PALLD: variants seen among roughly 807,000 people sequenced by gnomAD.
PALLD encodes palladin, cytoskeletal associated protein, also known as palladin.
A neutral mutation model predicts 123.5 loss-of-function variants in PALLD; 61 were observed. The ratio of observed to expected loss-of-function variants is 0.49; its 90% confidence interval spans 0.40 to 0.61. The LOEUF is 0.61. Among genes scored for constraint, PALLD ranks in the 20% least tolerant of loss-of-function variants. The pLI is 0.00. For missense variants in PALLD, 1,273 were observed against 1,377.0 expected (o/e 0.92, Z 1.20); for synonymous variants, 465 against 496.4 (o/e 0.94, Z 0.84).
intron 10 of PALLD, among the ~76,000 whole-genome samples, chr4:168,731,148 T>C (rs1284770351): frequency 6.6e-6 from 1 of 152,202 alleles, no homozygotes; most frequent in Non-Finnish European, 1.5e-5. Flanking sequence ...TGTAGGCACT[T>C]GGGTTTTCCT....
chr4:168,584,905 C>T lies in PALLD; in HGVS notation c.908+72493C>T, dbSNP rs77559031. ...GCAAAATATTCCCTCAACAAAGTACCCATGCACACACACATGAAGAAACTA... is the reference window on the plus strand; with the variant it reads ...GCAAAATATTCCCTCAACAAAGTACTCATGCACACACACATGAAGAAACTA... On this transcript the variant is annotated intron_variant, in intron 2 of 21. Transcript: ENST00000505667. Among the ~76,000 whole-genome samples the T allele has an allele frequency of 1.9e-3, 286 of 152,198 alleles. 3 individuals are homozygous for T. Among genetic ancestry groups the T allele is most frequent in the African/African-American group, 6.4e-3 (264 of 41,516 alleles).
At chr4:168,815,197 T>A (rs1359870899) in intron 10 of PALLD, among the ~76,000 whole-genome samples, 1 of 152,238 alleles carries the variant, frequency 6.6e-6, no homozygotes, top group African/African-American at 2.4e-5. Flanking sequence ...GGACATATGC[T>A]TGTGACTGTT....
At position 168,878,105 on chromosome 4, in the gene PALLD, C is replaced by T. The variant is rs1211489449; in HGVS notation, c.1965-12817C>T. ...CGCCCCCGTGCCGCCCTTCGCGCAG[C>T]CCTTCGGCGCTGAGCCCGAGGCCCC... On this transcript the variant is annotated intron_variant, in intron 10 of 21. Transcript: ENST00000505667. 25 of 1,447,608 alleles carry T rather than the reference C, an allele frequency of 1.7e-5. No individual in the cohort carries two copies. The East Asian group carries it at 7.3e-4, about 42-fold the overall frequency. 89.7% of individuals were successfully genotyped at this position (1,447,608 alleles called of 1,614,324 possible).
At chr4:168,696,039 TA>T (rs35465576) in intron 8 of PALLD, among the ~76,000 whole-genome samples, 32,629 of 150,458 alleles carry the variant, frequency 0.22, 4,135 homozygotes, top group African/African-American at 0.35. Flanking sequence ...CTTTTGAGCT[TA>T]AAAAAAAAAT....
chr4:168,577,861 G>A (rs961386234), intron 2 of PALLD, among the ~76,000 whole-genome samples: 3 of 151,938 alleles, frequency 2.0e-5, no homozygotes, highest in African/African-American at 7.3e-5. Context: ...GCAGCAATGG[G>A]CAGCAGAAGA....
At chr4:168,699,994 T>G (rs1427981640) in intron 8 of PALLD, 1 of 246,058 alleles carries the variant, frequency 4.1e-6, no homozygotes, top group Non-Finnish European at 8.3e-6. Context: ...CTGATTTCCA[T>G]TCCTTACCAA....
intron 10 of PALLD, among the ~76,000 whole-genome samples, chr4:168,889,763 C>T (rs1753897345): frequency 6.6e-6 from 1 of 152,160 alleles, no homozygotes; most frequent in Admixed American, 6.5e-5. Context: ...TGTTAAAACA[C>T]AGATTGCTGG....
At chr4:168,924,046 T>A (rs768206722) in intron 18 of PALLD, among the ~76,000 whole-genome samples, 1 of 152,120 alleles carries the variant, frequency 6.6e-6, no homozygotes, top group Non-Finnish European at 1.5e-5. Flanking sequence ...CAGACTTGAA[T>A]TAATTGAGGA....
chr4:168,745,245 G>A (rs868091790), intron 10 of PALLD, among the ~76,000 whole-genome samples: 1 of 152,020 alleles, frequency 6.6e-6, no homozygotes, highest in Non-Finnish European at 1.5e-5. Flanking sequence ...ATTCATCTTC[G>A]TCATCATTAT....
chr4:168,842,869 G>GT, intron 10 of PALLD, among the ~76,000 whole-genome samples: 1 of 152,302 alleles, frequency 6.6e-6, no homozygotes, highest in South Asian at 2.1e-4. Context: ...TCAGACATCA[G>GT]TAAGGGCCAC....
chr4:168,583,658 A>G (rs1017530769), intron 2 of PALLD, among the ~76,000 whole-genome samples: 1 of 152,220 alleles, frequency 6.6e-6, no homozygotes, highest in African/African-American at 2.4e-5. Context: ...CTTCACTTGA[A>G]AAGAATATTT....
At chr4:168,509,928 C>G (rs944951574) in intron 1 of PALLD, among the ~76,000 whole-genome samples, 1 of 152,144 alleles carries the variant, frequency 6.6e-6, no homozygotes, top group Admixed American at 6.5e-5. Flanking sequence ...TCGACTCTTG[C>G]ATAATGTATT....
Position 168,877,203 on chromosome 4 carries a change from T to A in PALLD, c.1965-13719T>A, listed in dbSNP as rs28735031. 8.2e-3 allele frequency among the ~76,000 whole-genome samples: 1,249 copies of A among 152,302 alleles called. 19 individuals are homozygous for A. The highest frequency in any genetic ancestry group is 0.028 in the African/African-American group (1,143 of 41,554). On this transcript the variant is annotated intron_variant, in intron 10 of 21. Coordinates refer to ENST00000505667, the MANE Select transcript of PALLD (RefSeq NM_001166108.2). ...AATGTAGAGATTAAAGTAAATTTTTTAAAAAATCCACCTGTGGTATTTATT... is the reference window on the plus strand; with the variant it reads ...AATGTAGAGATTAAAGTAAATTTTTAAAAAAATCCACCTGTGGTATTTATT...
At chr4:168,737,545 TTTTC>T (rs1787881433) in intron 10 of PALLD, among the ~76,000 whole-genome samples, 1 of 151,862 alleles carries the variant, frequency 6.6e-6, no homozygotes, top group African/African-American at 2.4e-5. Context: ...TTGAAAACAG[TTTTC>T]TTTACTAAAA....
At chr4:168,617,659 G>A (rs1324770595) in intron 2 of PALLD, among the ~76,000 whole-genome samples, 1 of 152,176 alleles carries the variant, frequency 6.6e-6, no homozygotes, top group Non-Finnish European at 1.5e-5. Flanking sequence ...GTGCATTTCA[G>A]TAAATTGCCC....
intron 2 of PALLD, among the ~76,000 whole-genome samples, chr4:168,585,963 T>C (rs2149671184): frequency 6.6e-6 from 1 of 152,220 alleles, no homozygotes; most frequent in African/African-American, 2.4e-5. Flanking sequence ...TCAAACCAAA[T>C]ACAGTCGTAT....
At chr4:168,897,991 CT>C (rs1755610027) in intron 13 of PALLD, 1 of 151,486 alleles carries the variant, frequency 6.6e-6, no homozygotes, top group Admixed American at 6.6e-5. Context: ...TATTCTTTTA[CT>C]ATTTTTTCTA....
rs146946437 is a variant in PALLD at position 168,809,891 on chromosome 4, A to G, written c.1965-81031A>G. On this transcript the variant is annotated intron_variant, in intron 10 of 21. Coordinates refer to ENST00000505667, the MANE Select transcript of PALLD (RefSeq NM_001166108.2). Reference sequence around the variant, plus strand: ...AAAAAAAAAGAAAAAAAAATCAGACATGGGGCAAAATGGAGCTGATGAACA... The same window carrying G: ...AAAAAAAAAGAAAAAAAAATCAGACGTGGGGCAAAATGGAGCTGATGAACA... Among the ~76,000 whole-genome samples, 8 of 151,278 alleles carry G rather than the reference A, an allele frequency of 5.3e-5. No individual in the cohort carries two copies. In the East Asian group the frequency reaches 1.5e-3, roughly 29 times the overall value.
chr4:168,821,395 G>A (rs1742688182), intron 10 of PALLD, among the ~76,000 whole-genome samples: 1 of 151,966 alleles, frequency 6.6e-6, no homozygotes, highest in South Asian at 2.1e-4. Flanking sequence ...AAAACCATGG[G>A]ATACTAAGGT....
Sources: allele counts gnomAD v4.1 joint callset (sites outside exome capture counted in the v4.1 genomes callset), GRCh38; gene constraint gnomAD v4.1.1; transcripts MANE v1.5; gene names NCBI Gene and HGNC (gene_info 2026-07-23, HGNC 2026-07-21).